CDK14: variants seen among roughly 807,000 people sequenced by gnomAD.
CDK14 encodes the protein cyclin-dependent kinase 14.
CDK14 carries 34 observed loss-of-function variants against 60.7 expected under a neutral mutation model. That is an observed-to-expected ratio of 0.56 (90% CI 0.43 to 0.75). The LOEUF (loss-of-function observed/expected upper bound fraction) is 0.75. CDK14 is among the 30% of genes least tolerant of loss of function. The probability of loss-of-function intolerance (pLI) is 0.00; values close to 1 mark genes in which losing one functional copy is unlikely to be tolerated. For missense variants in CDK14, 482 were observed against 564.1 expected (o/e 0.85, Z 1.47); for synonymous variants, 197 against 203.7 (o/e 0.97, Z 0.28).
intron 8 of CDK14, among the ~76,000 whole-genome samples, chr7:90,947,237 C>T (rs1226248946): frequency 2.0e-5 from 3 of 152,172 alleles, no homozygotes; most frequent in Non-Finnish European, 4.4e-5. Context: ...CCATCCATCC[C>T]ACAACCTTAT....
rs112265707 is a variant in CDK14 at position 91,189,895 on chromosome 7, T to A, written c.*29-17270T>A. ...TGGAGTAATAAAACCTGAGTGTTAG[T>A]TTCAACTTCACCCTTTAATAGCTGT... On this transcript the variant is annotated intron_variant, in intron 14 of 14. Coordinates refer to ENST00000380050, the MANE Select transcript of CDK14 (RefSeq NM_001287135.2). Among the ~76,000 whole-genome samples, 500 of 152,344 alleles carry A rather than the reference T, an allele frequency of 3.3e-3. 5 individuals are homozygous for A. Among genetic ancestry groups the A allele is most frequent in the South Asian group, 0.022 (108 of 4,830 alleles).
chr7:91,009,648 GTGTT>G (rs1464117157), intron 10 of CDK14, among the ~76,000 whole-genome samples: 1 of 152,148 alleles, frequency 6.6e-6, no homozygotes, highest in Non-Finnish European at 1.5e-5. Context: ...CTTTGGTGAA[GTGTT>G]TGTTCAGATC....
intron 3 of CDK14, among the ~76,000 whole-genome samples, chr7:90,736,344 GTTTTTGTTTTTTTTTTTTT>G (rs1204291056): frequency 7.3e-5 from 3 of 41,026 alleles, no homozygotes; most frequent in Non-Finnish European, 1.4e-4. Flanking sequence ...ACTTTATTAT[GTTTTTGTTTTTTTTTTTTT>G]TTTTTTTTTT....
chr7:90,827,097 A>G (rs547484377), intron 5 of CDK14, among the ~76,000 whole-genome samples: 2 of 135,634 alleles, frequency 1.5e-5, no homozygotes, highest in African/African-American at 2.8e-5. Flanking sequence ...CCTGTCTTCC[A>G]TCTACTTACA....
At chr7:90,849,275 C>G (rs1417266282) in intron 5 of CDK14, among the ~76,000 whole-genome samples, 1 of 150,482 alleles carries the variant, frequency 6.6e-6, no homozygotes, top group Non-Finnish European at 1.5e-5. Context: ...GCTGCTCGCT[C>G]TTCACCTCCT....
chr7:90,742,520 GGTTTT>G (rs770317439), intron 3 of CDK14, among the ~76,000 whole-genome samples: 21 of 151,844 alleles, frequency 1.4e-4, no homozygotes, highest in Non-Finnish European at 2.4e-4. Context: ...AACAGCATTT[GGTTTT>G]ATTAATCATG....
intron 10 of CDK14, among the ~76,000 whole-genome samples, chr7:91,010,835 C>CCTTCCTTCCTTCCTTCCTTCCTTCCTT (rs1562867326): frequency 4.4e-5 from 2 of 45,830 alleles, no homozygotes; most frequent in African/African-American, 1.7e-4. Context: ...CTTCCTTCCT[C>CCTTCCTTCCTTCCTTCCTTCCTTCCTT]CCTCCCTCCC....
intron 2 of CDK14, among the ~76,000 whole-genome samples, chr7:90,680,181 G>T (rs1182984589): frequency 6.6e-6 from 1 of 152,024 alleles, no homozygotes; most frequent in African/African-American, 2.4e-5. Context: ...GGAGTGTTTT[G>T]GAGGATCTGA....
chr7:90,722,476 A>G (rs1172679089), intron 2 of CDK14, among the ~76,000 whole-genome samples: 1 of 152,206 alleles, frequency 6.6e-6, no homozygotes, highest in Non-Finnish European at 1.5e-5. Flanking sequence ...AAATGCTGGG[A>G]CTACAGGTGT....
intron 10 of CDK14, among the ~76,000 whole-genome samples, chr7:91,003,412 TTAGC>T (rs1224255971): frequency 6.6e-6 from 1 of 152,172 alleles, no homozygotes; most frequent in African/African-American, 2.4e-5. Flanking sequence ...CCATGGTGTG[TTAGC>T]TAGCGTATTG....
intron 11 of CDK14, among the ~76,000 whole-genome samples, chr7:91,057,715 T>G (rs182769087): frequency 0.024 from 3,606 of 152,322 alleles, 139 homozygotes; most frequent in African/African-American, 0.08. Context: ...CAGATAGTTG[T>G]AGATATGCGA....
At chr7:90,917,551 C>G (rs1793118486) in intron 7 of CDK14, 50 bp from the exon 8 acceptor site, 1 of 1,589,702 alleles carries the variant, frequency 6.3e-7, no homozygotes. Context: ...TATGTAGAAA[C>G]TGGCATTTAT....
rs183752205 is a variant in CDK14, at chr7:91,148,389, G to T, written c.*28+30181G>T. On this transcript the variant is annotated intron_variant, in intron 14 of 14. Transcript: ENST00000380050. ...CCCTGTCTCCAAAAAAAAGGAATTT[G>T]CAAATAGATAATGATGTGCATATAA... is the stretch of plus-strand genomic sequence containing the variant. 8.6e-3 allele frequency among the ~76,000 whole-genome samples: 1,315 copies of T among 152,198 alleles called. 10 individuals are homozygous for T. The highest frequency in any genetic ancestry group is 0.029 in the African/African-American group (1,184 of 41,532).
At chr7:91,137,903 A>G (rs150201205) in intron 14 of CDK14, among the ~76,000 whole-genome samples, 33 of 152,294 alleles carry the variant, frequency 2.2e-4, no homozygotes, top group Admixed American at 1.8e-3. Flanking sequence ...CTCTCCAGAT[A>G]ATTGAGCTAA....
chr7:91,056,902 A>G lies in CDK14; in HGVS notation c.1105+10942A>G, dbSNP rs562812452. The stretch of plus-strand genomic sequence containing the variant: ...ACGTGTCTTTATAGCAGCATGATTT[A>G]TAGTCCTTTGGGTATATACCCAGTA... On this transcript the variant is annotated intron_variant, in intron 11 of 14. Coordinates refer to ENST00000380050, the MANE Select transcript of CDK14 (RefSeq NM_001287135.2). Among the ~76,000 whole-genome samples, 25 of 152,176 alleles carry G rather than the reference A, an allele frequency of 1.6e-4. No individual in the cohort carries two copies. In the East Asian group the frequency reaches 3.7e-3, roughly 22 times the overall value.
intron 6 of CDK14, among the ~76,000 whole-genome samples, chr7:90,876,567 T>C (rs1791569469): frequency 6.6e-6 from 1 of 152,214 alleles, no homozygotes; most frequent in Non-Finnish European, 1.5e-5. Context: ...GCATAAGCAG[T>C]GCTGCTTCTA....
chr7:91,190,194 C>T (rs1802317212), intron 14 of CDK14, among the ~76,000 whole-genome samples: 1 of 152,192 alleles, frequency 6.6e-6, no homozygotes, highest in African/African-American at 2.4e-5. Flanking sequence ...ATTGTTCACT[C>T]AGAGACACAG....
At chr7:91,186,978 A>G (rs1036318492) in intron 14 of CDK14, among the ~76,000 whole-genome samples, 3 of 152,250 alleles carry the variant, frequency 2.0e-5, no homozygotes, top group Admixed American at 1.3e-4. Flanking sequence ...AAGGAGACCT[A>G]TTAGCTCAAT....
intron 10 of CDK14, among the ~76,000 whole-genome samples, chr7:91,008,140 A>AAAC (rs1399634489): frequency 7.5e-5 from 11 of 146,680 alleles, no homozygotes; most frequent in African/African-American, 2.9e-4. Flanking sequence ...AAAAAAAAAA[A>AAAC]AAAAACAAAC....
Sources: allele counts gnomAD v4.1 joint callset (sites outside exome capture counted in the v4.1 genomes callset), GRCh38; gene constraint gnomAD v4.1.1; transcripts MANE v1.5; gene names NCBI Gene and HGNC (gene_info 2026-07-23, HGNC 2026-07-21).